The following ATRX variants were observed in gnomAD, a reference collection of about 807,000 sequenced individuals.
The protein encoded by ATRX is ATRX chromatin remodeler.
A neutral mutation model predicts 172.6 loss-of-function variants in ATRX; 12 were observed. The ratio of observed to expected loss-of-function variants is 0.07; its 90% CI spans 0.04 to 0.11. The LOEUF (loss-of-function observed/expected upper bound fraction) is 0.11, where lower values mean the gene tolerates loss of function less well. ATRX is among the 10% of genes least tolerant of loss of function. ATRX has a pLI of 1.00. For synonymous variants in ATRX, 674 were observed against 594.7 expected (o/e 1.13, Z -1.94); for missense variants, 1,368 against 1,767.4 (o/e 0.77, Z 4.05).
intron 28 of ATRX, among the ~76,000 whole-genome samples, chrX:77,559,665 C>A: frequency 9.2e-6 from 1 of 108,619 alleles, no homozygotes; most frequent in East Asian, 2.9e-4. Flanking sequence ...CCATGTTGGC[C>A]AGGCTGGTCT....
At chrX:77,512,452 T>C (rs1462493118) in intron 34 of ATRX, among the ~76,000 whole-genome samples, 2 of 112,950 alleles carry the variant, frequency 1.8e-5, no homozygotes, top group Non-Finnish European at 3.7e-5. Flanking sequence ...GCTTGTTTGT[T>C]ACTTTGTTTG....
At chrX:77,596,783 T>G (rs1017539747) in intron 25 of ATRX, 2 of 110,823 alleles carry the variant, frequency 1.8e-5, no homozygotes, top group African/African-American at 6.6e-5. Flanking sequence ...ACCAGCTGCC[T>G]CAGATTCTAA....
intron 1 of ATRX, among the ~76,000 whole-genome samples, chrX:77,723,717 C>T (rs782424399): frequency 9.0e-6 from 1 of 111,272 alleles, no homozygotes; most frequent in African/African-American, 3.3e-5. Flanking sequence ...ACCCAAAATT[C>T]CTGAGAACCA....
chrX:77,574,191 A>C (rs2065523443), intron 28 of ATRX, 59 bp downstream of exon 28: 1 of 802,903 alleles, frequency 1.2e-6, no homozygotes, highest in African/African-American at 2.1e-5. Flanking sequence ...AGTGAACTTT[A>C]TGTAAATTTT....
chrX:77,623,593 G>A (rs781993427), intron 19 of ATRX, among the ~76,000 whole-genome samples: 5 of 111,191 alleles, frequency 4.5e-5, no homozygotes, highest in South Asian at 3.8e-4. Context: ...GAAAGATCAC[G>A]ACCAAAAAAG....
chrX:77,759,855 AG>A (rs781798764), intron 1 of ATRX, among the ~76,000 whole-genome samples: 31 of 112,290 alleles, frequency 2.8e-4, no homozygotes, highest in Admixed American at 4.7e-4. Flanking sequence ...ATTTTAAAAA[AG>A]GAAACCACTG....
intron 1 of ATRX, among the ~76,000 whole-genome samples, chrX:77,783,521 T>C (rs192939833): frequency 2.1e-4 from 23 of 112,005 alleles, no homozygotes; most frequent in Non-Finnish European, 3.0e-4. Context: ...AGAATATTAC[T>C]TTTTTTTATA....
chrX:77,524,528 G>T (rs782500830), intron 30 of ATRX, among the ~76,000 whole-genome samples: 1 of 111,185 alleles, frequency 9.0e-6, no homozygotes, highest in African/African-American at 3.3e-5. Flanking sequence ...ACTCAAATGT[G>T]CATTAAATAA....
rs1011497164 is a variant in ATRX, at chrX:77,542,555, T to C, written c.6699+14896A>G. On this transcript the variant is annotated intron_variant, in intron 30 of 34. Coordinates refer to ENST00000373344, the MANE Select transcript of ATRX (RefSeq NM_000489.6). ...ACAAAGCTGGAGGCATCATGCTACC[T>C]GACTTCAAACTATACCACAATGCTC... Among the ~76,000 whole-genome samples, 7 of 111,931 alleles carry C rather than the reference T, an allele frequency of 6.3e-5. No homozygotes were observed. The South Asian group carries it at 2.6e-3, about 42-fold the overall frequency.
chrX:77,561,907 T>C (rs1190412027), intron 28 of ATRX, among the ~76,000 whole-genome samples: 10 of 111,622 alleles, frequency 9.0e-5, no homozygotes, highest in Non-Finnish European at 1.7e-4. Context: ...TTGTTTGATG[T>C]ATAGTTCTAC....
At chrX:77,584,032 C>T (rs1041317050) in intron 27 of ATRX, among the ~76,000 whole-genome samples, 15 of 111,434 alleles carry the variant, frequency 1.3e-4, no homozygotes, top group African/African-American at 4.9e-4. Flanking sequence ...AAGAAACTTA[C>T]AAATTAAAAG....
At chrX:77,639,604 T>G (rs2068555957) in intron 15 of ATRX, among the ~76,000 whole-genome samples, 1 of 111,805 alleles carries the variant, frequency 8.9e-6, no homozygotes. Context: ...TAAAAAAAAC[T>G]AATATACAAG....
rs2071184688 is a variant in ATRX, at chrX:77,681,430, A to G, written c.3736+90T>C. On this transcript the variant is annotated intron_variant, in intron 9 of 34. Coordinates refer to ENST00000373344, the MANE Select transcript of ATRX (RefSeq NM_000489.6). ...TGGTATTCTCCTAAGTAGTAACCCT[A>G]AATTTGATTAGCTTCAGAGGAAATT... is the stretch of plus-strand genomic sequence containing the variant. 4.2e-6 allele frequency: 4 copies of G among 949,282 alleles called. No homozygotes were observed. In the South Asian group the frequency reaches 8.2e-5, roughly 19 times the overall value. 78.2% of individuals were successfully genotyped at this position (949,282 alleles called of 1,213,427 possible).
intron 1 of ATRX, among the ~76,000 whole-genome samples, chrX:77,764,982 C>T (rs1170004505): frequency 9.0e-6 from 1 of 111,348 alleles, no homozygotes; most frequent in African/African-American, 3.3e-5. Flanking sequence ...TCAAGACCAG[C>T]CTCGCCGACA....
In ATRX at chrX:77,684,300, T is replaced by G; in HGVS notation, c.956A>C (p.Lys319Thr). Residue 319 changes from lysine (K) to threonine (T), a missense_variant, in exon 9 of 35, where the codon AAG becomes ACG. By Grantham distance (78) the Lys-to-Thr change is moderately conservative (BLOSUM62 -1). Transcript: ENST00000373344. ...TTCTCCATTACAATTTGAACTAGTC[T>G]TCTTTGGAGAAAATCTGGATGTATG... ...YEHTSRFSPK[K>T]TSSNCNGEEK... 8.3e-7 allele frequency: 1 copy of G among 1,209,329 alleles called. No homozygotes were observed. Among genetic ancestry groups the G allele is most frequent in the South Asian group, 1.8e-5 (1 of 56,911 alleles).
chrX:77,663,322 C>T (rs1603140020), intron 12 of ATRX, 60 bp downstream of exon 12: 8 of 1,171,024 alleles, frequency 6.8e-6, no homozygotes, highest in East Asian at 3.0e-5. Flanking sequence ...GCTAGGATTA[C>T]AGGCATAAGC....
rs782052025 is a variant in ATRX, at chrX:77,634,268, C to T, written c.4809+326G>A. Among the ~76,000 whole-genome samples the T allele has an allele frequency of 7.9e-5, 8 of 101,021 alleles. No homozygotes were observed. In the South Asian group the frequency reaches 3.8e-3, roughly 47 times the overall value. 87.7% of individuals were successfully genotyped at this position (101,021 alleles called of 115,157 possible). ...AAAAAAAAAAAAAAGGTAATTTCTA[C>T]CTTAGAATCTTTGCAGTTGTTGTTG... On this transcript the variant is annotated intron_variant, in intron 17 of 34. Transcript: ENST00000373344.
chrX:77,757,036 T>C (rs1162701305), intron 1 of ATRX, among the ~76,000 whole-genome samples: 2 of 111,388 alleles, frequency 1.8e-5, no homozygotes, highest in Non-Finnish European at 3.8e-5. Context: ...TCCATCCGCT[T>C]CAACTTCCCA....
intron 30 of ATRX, among the ~76,000 whole-genome samples, chrX:77,536,638 T>C (rs1178926238): frequency 1.8e-5 from 2 of 112,014 alleles, no homozygotes; most frequent in African/African-American, 3.2e-5. Flanking sequence ...GAACTTTAAA[T>C]GAAAATGGGG....
Sources: allele counts gnomAD v4.1 joint callset (sites outside exome capture counted in the v4.1 genomes callset), GRCh38; gene constraint gnomAD v4.1.1; transcripts MANE v1.5; gene names NCBI Gene and HGNC (gene_info 2026-07-23, HGNC 2026-07-21).